GRID1: variants seen among roughly 807,000 people sequenced by gnomAD.
The protein encoded by GRID1 is glutamate ionotropic receptor delta type subunit 1.
Under a neutral mutation model 98.0 loss-of-function variants are expected in GRID1, and 28 were observed. That is an observed-to-expected ratio of 0.29 (90% confidence interval 0.21 to 0.39). The LOEUF (loss-of-function observed/expected upper bound fraction) is 0.39. Among genes scored for constraint, GRID1 ranks in the 10% least tolerant of loss-of-function variants. The pLI is 1.00. For missense variants in GRID1, 1,111 were observed against 1,340.5 expected (o/e 0.83, Z 2.67); for synonymous variants, 553 against 538.5 (o/e 1.03, Z -0.37).
intron 2 of GRID1, among the ~76,000 whole-genome samples, chr10:86,328,190 A>C (rs1378453134): frequency 6.6e-6 from 1 of 152,220 alleles, no homozygotes; most frequent in African/African-American, 2.4e-5. Flanking sequence ...ACACAAAAAG[A>C]AAGCAAAACT....
At chr10:86,247,593 G>A (rs1476377477) in intron 2 of GRID1, among the ~76,000 whole-genome samples, 1 of 152,240 alleles carries the variant, frequency 6.6e-6, no homozygotes, top group Non-Finnish European at 1.5e-5. Context: ...AAGGCTAGAA[G>A]GAAAGGCTCT....
chr10:86,181,087 A>AT (rs1845648936), intron 3 of GRID1, among the ~76,000 whole-genome samples: 1 of 151,790 alleles, frequency 6.6e-6, no homozygotes, highest in Admixed American at 6.6e-5. Flanking sequence ...AGCCACACAC[A>AT]CCCCCAACCA....
intron 12 of GRID1, chr10:85,650,352 C>A (rs1026921072): frequency 1.3e-5 from 2 of 152,250 alleles, no homozygotes; most frequent in African/African-American, 2.4e-5. Flanking sequence ...TCTTCAGCAA[C>A]AACTGCTACA....
rs147284445 is a variant in GRID1, at chr10:86,094,147, C to T, written c.726+44672G>A. Among the ~76,000 whole-genome samples, 848 of 152,314 alleles carry T rather than the reference C, an allele frequency of 5.6e-3. 12 individuals carry two copies. The highest frequency in any genetic ancestry group is 0.041 in the East Asian group (213 of 5,186). On this transcript the variant is annotated intron_variant, in intron 4 of 15. Coordinates refer to ENST00000327946, the MANE Select transcript of GRID1 (RefSeq NM_017551.3). ...AAAGCATTTAACAAAAATCCAGCAT[C>T]GCTTTATGATTGAAACTCTCAGCAA...
intron 4 of GRID1, among the ~76,000 whole-genome samples, chr10:85,934,178 G>C (rs1013111927): frequency 1.3e-5 from 2 of 152,122 alleles, no homozygotes; most frequent in African/African-American, 4.8e-5. Flanking sequence ...GGAGAAGTGA[G>C]AGCAAGCTGG....
intron 4 of GRID1, among the ~76,000 whole-genome samples, chr10:85,974,910 C>T (rs750854939): frequency 6.6e-6 from 1 of 152,210 alleles, no homozygotes; most frequent in African/African-American, 2.4e-5. Context: ...TAGGTGTGGG[C>T]CATGAGCATG....
intron 2 of GRID1, among the ~76,000 whole-genome samples, chr10:86,246,857 A>G (rs1435916836): frequency 6.6e-6 from 1 of 152,248 alleles, no homozygotes; most frequent in African/African-American, 2.4e-5. Context: ...ACTCAATTTC[A>G]GTAACAATCA....
chr10:86,167,769 C>G (rs888748648), intron 3 of GRID1, among the ~76,000 whole-genome samples: 1 of 152,224 alleles, frequency 6.6e-6, no homozygotes. Flanking sequence ...AGGACTGATT[C>G]TGCCTTTCTC....
rs75779154 is a variant in GRID1 at position 86,148,805 on chromosome 10, C to T, written c.521-9781G>A. Among the ~76,000 whole-genome samples, 214 of 152,222 alleles carry T rather than the reference C, an allele frequency of 1.4e-3. 7 individuals are homozygous for T. In the East Asian group the frequency reaches 0.037, roughly 26 times the overall value. On this transcript the variant is annotated intron_variant, in intron 3 of 15. Transcript: ENST00000327946. ...GAGATTCAGAGATTAGGAAAAGGCA[C>T]GGAGAAGCAGCCCCACTGCCCTGCT...
intron 12 of GRID1, among the ~76,000 whole-genome samples, chr10:85,659,403 G>A (rs1272677612): frequency 6.6e-6 from 1 of 152,168 alleles, no homozygotes; most frequent in Non-Finnish European, 1.5e-5. Context: ...CAAAGGAGGT[G>A]GACTCATGTG....
chr10:86,166,173 T>C (rs866476211), intron 3 of GRID1, among the ~76,000 whole-genome samples: 1 of 152,330 alleles, frequency 6.6e-6, no homozygotes, highest in South Asian at 2.1e-4. Context: ...TGCAGGTTTG[T>C]TACATATGTA....
At chr10:86,150,193 C>T (rs1388829763) in intron 3 of GRID1, among the ~76,000 whole-genome samples, 2 of 152,336 alleles carry the variant, frequency 1.3e-5, no homozygotes, top group South Asian at 4.1e-4. Flanking sequence ...ACAGGCCTCT[C>T]GGGGCAGGAG....
chr10:86,081,365 A>C (rs1283661362), intron 4 of GRID1, among the ~76,000 whole-genome samples: 2 of 152,078 alleles, frequency 1.3e-5, no homozygotes, highest in East Asian at 3.9e-4. Flanking sequence ...CAAGAATTCC[A>C]CCCTTATGTA....
At chr10:85,912,271 T>C (rs1841549632) in intron 5 of GRID1, among the ~76,000 whole-genome samples, 1 of 152,168 alleles carries the variant, frequency 6.6e-6, no homozygotes, top group Non-Finnish European at 1.5e-5. Context: ...TCAATAAAAA[T>C]ATTCTTTAAA....
chr10:85,804,746 A>C (rs1288200774), intron 8 of GRID1, among the ~76,000 whole-genome samples: 1 of 151,906 alleles, frequency 6.6e-6, no homozygotes, highest in Non-Finnish European at 1.5e-5. Context: ...TAACAATCAC[A>C]GTAAAAATTG....
rs142213987 is a variant in GRID1 at position 86,102,410 on chromosome 10, G to T, written c.726+36409C>A. Reference sequence around the variant, plus strand: ...GAAGCAGCAAAGACAGCATCAAGATGTTGGGCCTGGGCAGCTGAAGAAAGG... The same window carrying T: ...GAAGCAGCAAAGACAGCATCAAGATTTTGGGCCTGGGCAGCTGAAGAAAGG... On this transcript the variant is annotated intron_variant, in intron 4 of 15. Coordinates refer to ENST00000327946, the MANE Select transcript of GRID1 (RefSeq NM_017551.3). 3.3e-3 allele frequency among the ~76,000 whole-genome samples: 496 copies of T among 152,346 alleles called. 10 individuals carry two copies. The East Asian group carries it at 0.041, about 13-fold the overall frequency.
At chr10:85,934,858 C>T (rs928349236) in intron 4 of GRID1, among the ~76,000 whole-genome samples, 7 of 152,140 alleles carry the variant, frequency 4.6e-5, no homozygotes, top group African/African-American at 1.7e-4. Context: ...GGTTAGTAAG[C>T]ACTGATCCCC....
At position 86,335,338 on chromosome 10, in the gene GRID1, C is replaced by T. The variant is rs565013429; in HGVS notation, c.235+28603G>A. Reference sequence around the variant, plus strand: ...AATGGGCTTTGCAAAGCACTAATTACACAGGATGTTAATAGGTGCTCTGCC... The same window carrying T: ...AATGGGCTTTGCAAAGCACTAATTATACAGGATGTTAATAGGTGCTCTGCC... On this transcript the variant is annotated intron_variant, in intron 2 of 15. Transcript: ENST00000327946. Among the ~76,000 whole-genome samples the T allele has an allele frequency of 3.9e-5, 6 of 152,334 alleles. No individual in the cohort carries two copies. In the East Asian group the frequency reaches 1.2e-3, roughly 29 times the overall value.
Position 85,634,249 on chromosome 10 carries a change from C to CCTCTCTCTCTCTCTCTCTCT in GRID1, c.2193+12933_2193+12952dup, listed in dbSNP as rs775506130. Among the ~76,000 whole-genome samples, 431 of 92,296 alleles carry CCTCTCTCTCTCTCTCTCTCT rather than the reference C, an allele frequency of 4.7e-3. 9 individuals are homozygous for CCTCTCTCTCTCTCTCTCTCT. Among genetic ancestry groups the CCTCTCTCTCTCTCTCTCTCT allele is most frequent in the Non-Finnish European group, 5.6e-3 (272 of 48,294 alleles). The allele number at this position is 92,296 out of a possible 152,430, so 60.5% of individuals were successfully genotyped here. A position where few individuals can be genotyped will look rare whatever the true frequency, so the allele number is the denominator to read the frequency against. ...ATTCCTGCACAGCCCTGATGGGGCACCTCTCTCTCTCTCTCTCTCTCTCTC... is the reference window on the plus strand; with the variant it reads ...ATTCCTGCACAGCCCTGATGGGGCACCTCTCTCTCTCTCTCTCTCTCTCTCTCTCTCTCTCTCTCTCTCTC... On this transcript the variant is annotated intron_variant, in intron 13 of 15. Coordinates refer to ENST00000327946, the MANE Select transcript of GRID1 (RefSeq NM_017551.3).
Sources: gnomAD v4.1 joint callset for allele counts (sites outside exome capture counted in the v4.1 genomes callset) on GRCh38, gnomAD v4.1.1 for gene constraint, MANE v1.5 for transcripts, NCBI Gene and HGNC (gene_info 2026-07-23, HGNC 2026-07-21) for gene names.